The following SEMA3A variants were observed in gnomAD, a reference collection of about 807,000 sequenced individuals.
SEMA3A encodes the protein semaphorin-3A.
Under a neutral mutation model 97.9 loss-of-function variants are expected in SEMA3A, and 29 were observed. The observed-to-expected ratio is 0.30, with a 90% CI of 0.22 to 0.40. SEMA3A has a LOEUF of 0.40. SEMA3A is among the 10% of genes least tolerant of loss of function. SEMA3A has a pLI of 1.00. For synonymous variants in SEMA3A, 321 were observed against 323.7 expected (o/e 0.99, Z 0.09); for missense variants, 763 against 951.3 (o/e 0.80, Z 2.60).
At chr7:84,268,990 AAGAAAGCTTTCATT>A (rs1433784024) in intron 3 of SEMA3A, among the ~76,000 whole-genome samples, 2 of 152,136 alleles carry the variant, frequency 1.3e-5, no homozygotes, top group Non-Finnish European at 2.9e-5. Context: ...GTACAACTAG[AAGAAAGCTTTCATT>A]ACTGTTACTA....
chr7:84,238,599 T>G (rs945519477), intron 3 of SEMA3A, among the ~76,000 whole-genome samples: 3 of 152,174 alleles, frequency 2.0e-5, no homozygotes, highest in Non-Finnish European at 1.5e-5. Flanking sequence ...TGGAAAACCT[T>G]TCTGCAATAG....
chr7:84,176,650 A>T (rs2116222736), intron 1 of SEMA3A, among the ~76,000 whole-genome samples: 1 of 152,268 alleles, frequency 6.6e-6, no homozygotes, highest in African/African-American at 2.4e-5. Flanking sequence ...ATGTAAACAC[A>T]TTTTTTAAGC....
chr7:84,404,990 C>T (rs748969613), intron 1 of SEMA3A, among the ~76,000 whole-genome samples: 4 of 152,112 alleles, frequency 2.6e-5, no homozygotes, highest in Non-Finnish European at 4.4e-5. Context: ...TATCAACTAA[C>T]GAGCAAAATA....
intron 1 of SEMA3A, among the ~76,000 whole-genome samples, chr7:84,491,939 T>A (rs1298892224): frequency 6.6e-6 from 1 of 151,994 alleles, no homozygotes; most frequent in African/African-American, 2.4e-5. Flanking sequence ...TCTTTTAGAG[T>A]TTTTAGTGTC....
intron 1 of SEMA3A, among the ~76,000 whole-genome samples, chr7:84,421,542 T>A (rs989365841): frequency 4.6e-5 from 7 of 152,100 alleles, no homozygotes; most frequent in African/African-American, 1.7e-4. Context: ...GGCCAGAACT[T>A]CCAATACTAT....
intron 4 of SEMA3A, among the ~76,000 whole-genome samples, chr7:84,096,904 T>C (rs1003265499): frequency 1.3e-5 from 2 of 152,176 alleles, no homozygotes; most frequent in East Asian, 1.9e-4. Context: ...TGTTTACATA[T>C]GTCTAAGATA....
intron 1 of SEMA3A, among the ~76,000 whole-genome samples, chr7:84,408,883 G>A (rs1050542617): frequency 9.9e-5 from 15 of 151,820 alleles, no homozygotes; most frequent in Admixed American, 2.0e-4. Flanking sequence ...ATCACACACC[G>A]GGGACTGTTG....
chr7:84,071,825 C>T (rs1263732011), intron 4 of SEMA3A, among the ~76,000 whole-genome samples: 1 of 151,884 alleles, frequency 6.6e-6, no homozygotes, highest in Admixed American at 6.6e-5. Flanking sequence ...GAGCTTTGCA[C>T]TGAGTTAAAG....
chr7:84,376,291 A>ACATT (rs1803096239), intron 1 of SEMA3A, among the ~76,000 whole-genome samples: 1 of 152,244 alleles, frequency 6.6e-6, no homozygotes, highest in East Asian at 1.9e-4. Context: ...GTGCTAATTT[A>ACATT]CATTCTATCA....
rs190193663 is a variant in SEMA3A at position 84,459,890 on chromosome 7, G to A, written c.-246+32570C>T. Reference sequence around the variant, plus strand: ...AAAAATACAAAAATTAGCCAGACATGGTGGCGCATGCCTGTAGTTCTAGCT... The same window carrying A: ...AAAAATACAAAAATTAGCCAGACATAGTGGCGCATGCCTGTAGTTCTAGCT... On this transcript the variant is annotated intron_variant, in intron 1 of 3. Transcript: ENST00000424555. Among the ~76,000 whole-genome samples, 14 of 152,172 alleles carry A rather than the reference G, an allele frequency of 9.2e-5. 1 individual carries two copies. Among genetic ancestry groups the A allele is most frequent in the Admixed American group, 7.2e-4 (11 of 15,292 alleles).
chr7:84,028,777 A>C (rs906816191), intron 6 of SEMA3A, among the ~76,000 whole-genome samples: 2 of 151,106 alleles, frequency 1.3e-5, no homozygotes, highest in Non-Finnish European at 1.5e-5. Context: ...GCTAATTTTT[A>C]TTTTTATTTT....
At chr7:83,964,119 A>G (rs1788580606) in intron 15 of SEMA3A, among the ~76,000 whole-genome samples, 1 of 152,178 alleles carries the variant, frequency 6.6e-6, no homozygotes, top group African/African-American at 2.4e-5. Context: ...TTAAGTTTCT[A>G]TTATTTTACC....
At chr7:84,054,319 G>C (rs1378905281) in intron 5 of SEMA3A, among the ~76,000 whole-genome samples, 1 of 152,144 alleles carries the variant, frequency 6.6e-6, no homozygotes. Flanking sequence ...TTCCAACTTG[G>C]TTCCATTCTC....
chr7:84,296,422 GT>G (rs1398184034), intron 3 of SEMA3A, among the ~76,000 whole-genome samples: 1 of 152,064 alleles, frequency 6.6e-6, no homozygotes, highest in East Asian at 1.9e-4. Context: ...AAGGATATTT[GT>G]TTTACATATT....
Position 84,291,191 on chromosome 7 carries a change from A to C in SEMA3A, c.-83+16016T>G, listed in dbSNP as rs566296305. On this transcript the variant is annotated intron_variant, in intron 3 of 3. Transcript: ENST00000424555. ...ATTATATTCAATGAGCTATAAGATA[A>C]AAATTTTAGATAATAAATTTTTAGA... is the stretch of plus-strand genomic sequence containing the variant. Among the ~76,000 whole-genome samples, 11 of 152,204 alleles carry C rather than the reference A, an allele frequency of 7.2e-5. No individual in the cohort carries two copies. The East Asian group carries it at 1.5e-3, about 21-fold the overall frequency.
At chr7:84,392,961 G>A (rs76340879) in intron 1 of SEMA3A, among the ~76,000 whole-genome samples, 14 of 152,040 alleles carry the variant, frequency 9.2e-5, no homozygotes, top group Non-Finnish European at 1.5e-4. Context: ...TCAGATGTAT[G>A]ACTTGCCAAT....
intron 11 of SEMA3A, among the ~76,000 whole-genome samples, chr7:84,003,733 T>C (rs1401688511): frequency 6.6e-6 from 1 of 152,104 alleles, no homozygotes; most frequent in Non-Finnish European, 1.5e-5. Context: ...CAAACTTAAT[T>C]CCTCTGCAAA....
intron 2 of SEMA3A, among the ~76,000 whole-genome samples, chr7:84,320,612 T>C (rs1045432379): frequency 1.3e-5 from 2 of 151,948 alleles, no homozygotes; most frequent in Non-Finnish European, 2.9e-5. Flanking sequence ...TGTTAGGTCA[T>C]TTTGTTCACA....
chr7:84,259,650 A>T (rs923208036), intron 3 of SEMA3A, among the ~76,000 whole-genome samples: 1 of 152,120 alleles, frequency 6.6e-6, no homozygotes, highest in Non-Finnish European at 1.5e-5. Flanking sequence ...TGGGAAAAAA[A>T]TGGGAATCTT....
Sources: allele counts gnomAD v4.1 joint callset (sites outside exome capture counted in the v4.1 genomes callset), GRCh38; gene constraint gnomAD v4.1.1; transcripts MANE v1.5; gene names NCBI Gene and HGNC (gene_info 2026-07-23, HGNC 2026-07-21).